FUT8: variants seen among roughly 807,000 people sequenced by gnomAD.
FUT8 encodes alpha-(1,6)-fucosyltransferase.
FUT8 carries 29 observed loss-of-function variants against 71.3 expected under a neutral mutation model. That is an observed-to-expected ratio of 0.41 (90% confidence interval 0.30 to 0.55). FUT8 has a LOEUF of 0.55. Ranked by LOEUF, FUT8 falls within the 20% of genes least tolerant of loss-of-function variation. FUT8 has a pLI of 0.34. For missense variants in FUT8, 544 were observed against 702.1 expected (o/e 0.77, Z 2.55); for synonymous variants, 254 against 239.3 (o/e 1.06, Z -0.57).
At chr14:65,584,606 A>G (rs1326190197) in intron 3 of FUT8, among the ~76,000 whole-genome samples, 1 of 152,254 alleles carries the variant, frequency 6.6e-6, no homozygotes, top group African/African-American at 2.4e-5. Flanking sequence ...TAGAAATATA[A>G]TAGATCAGGT....
chr14:65,682,607 T>A (rs1893091808), intron 7 of FUT8, among the ~76,000 whole-genome samples: 1 of 152,182 alleles, frequency 6.6e-6, no homozygotes, highest in Non-Finnish European at 1.5e-5. Flanking sequence ...AGTTGTAAAG[T>A]GACCAGACAT....
intron 2 of FUT8, among the ~76,000 whole-genome samples, chr14:65,502,189 G>T (rs1004960380): frequency 6.6e-6 from 1 of 151,940 alleles, no homozygotes; most frequent in Non-Finnish European, 1.5e-5. Context: ...GGGATTACAG[G>T]TGTGAGCCAC....
At chr14:65,611,426 CATTGGTTTTT>C (rs1371790304) in intron 3 of FUT8, among the ~76,000 whole-genome samples, 2 of 151,148 alleles carry the variant, frequency 1.3e-5, no homozygotes, top group African/African-American at 4.9e-5. Flanking sequence ...TTTTAGTTTT[CATTGGTTTTT>C]ATCTATTTTT....
intron 8 of FUT8, among the ~76,000 whole-genome samples, chr14:65,722,380 G>A (rs1895463503): frequency 6.6e-6 from 1 of 152,064 alleles, no homozygotes; most frequent in African/African-American, 2.4e-5. Flanking sequence ...CAACCACCCT[G>A]GGCTCAAGTG....
At chr14:65,393,598 G>A in the FUT8 span, among the ~76,000 whole-genome samples, 24 of 152,252 alleles carry the variant, frequency 1.6e-4, no homozygotes, top group African/African-American at 2.6e-4. Flanking sequence ...ATGAAGCCAC[G>A]GAGCCTTTCT....
At position 65,724,309 on chromosome 14, in the gene FUT8, G is replaced by A. The variant is rs201623852; in HGVS notation, c.1245G>A (p.Lys415=). The change falls in exon 9 of 11, where the codon AAG becomes AAA. Residue 415 remains lysine, a synonymous_variant. Transcript: ENST00000673929. ...YLATDDPSLL[K]EAKTKYPNYE... is the part of the protein sequence containing the mutation. ...CCACAGATGACCCTTCTTTATTAAA[G>A]GAGGCAAAAACAAAGTAAGTTAGAC... is the stretch of plus-strand genomic sequence containing the variant. The A allele has an allele frequency of 6.2e-7, 1 of 1,603,626 alleles. No individual in the cohort carries two copies. The highest frequency in any genetic ancestry group is 1.3e-5 in the African/African-American group (1 of 74,638).
At chr14:65,578,445 C>G (rs546013577) in intron 3 of FUT8, among the ~76,000 whole-genome samples, 1 of 152,324 alleles carries the variant, frequency 6.6e-6, no homozygotes, top group East Asian at 1.9e-4. Context: ...ATATTGACGT[C>G]TTTTAATTCA....
At position 65,627,920 on chromosome 14, in the gene FUT8, G is replaced by A. The variant is rs1438897486; in HGVS notation, c.483-1572G>A. On this transcript the variant is annotated intron_variant, in intron 5 of 10. Coordinates refer to ENST00000673929, the MANE Select transcript of FUT8 (RefSeq NM_001371533.1). This position sits in a 1 kb window ranked among gnomAD's most constrained non-coding sequence, Gnocchi z 4.0. ...TGATGGTCGCCTGACATTGCTTGGA[G>A]GTTAAGGGGGTGCCTTCTTCTGCCC... 6.6e-6 allele frequency among the ~76,000 whole-genome samples: 1 copy of A among 152,128 alleles called. No individual in the cohort carries two copies. The highest frequency in any genetic ancestry group is 1.5e-5 in the Non-Finnish European group (1 of 68,028).
chr14:65,415,479 A>G (rs946339767), intron 1 of FUT8, among the ~76,000 whole-genome samples: 5 of 152,142 alleles, frequency 3.3e-5, no homozygotes, highest in African/African-American at 1.2e-4. Flanking sequence ...ATGTTATAGT[A>G]TTTTCTTAAC....
chr14:65,568,319 T>G (rs1886303276), intron 3 of FUT8, among the ~76,000 whole-genome samples: 1 of 151,718 alleles, frequency 6.6e-6, no homozygotes, highest in African/African-American at 2.4e-5. Context: ...GCTAACAGTT[T>G]ATCAATTTAA....
intron 3 of FUT8, among the ~76,000 whole-genome samples, chr14:65,592,575 G>A (rs1887751391): frequency 6.6e-6 from 1 of 152,050 alleles, no homozygotes; most frequent in South Asian, 2.1e-4. Flanking sequence ...TACATTTAAG[G>A]GATTTTATTC....
chr14:65,427,612 T>A (rs2065409245), intron 1 of FUT8, among the ~76,000 whole-genome samples: 1 of 152,236 alleles, frequency 6.6e-6, no homozygotes, highest in African/African-American at 2.4e-5. Context: ...GCCCATTTTT[T>A]AATTGCATTA....
chr14:65,553,898 T>C (rs1350612956), intron 2 of FUT8, among the ~76,000 whole-genome samples: 1 of 152,008 alleles, frequency 6.6e-6, no homozygotes, highest in Non-Finnish European at 1.5e-5. Context: ...AATTTTGCCC[T>C]ACTAGCAATT....
chr14:65,718,413 C>T (rs1342036787), intron 7 of FUT8, among the ~76,000 whole-genome samples: 2 of 152,104 alleles, frequency 1.3e-5, no homozygotes, highest in Admixed American at 1.3e-4. Flanking sequence ...CTATTTATAT[C>T]TTATGGTACC....
chr14:65,537,226 A>C (rs1884375847), intron 2 of FUT8, among the ~76,000 whole-genome samples: 1 of 151,092 alleles, frequency 6.6e-6, no homozygotes, highest in Non-Finnish European at 1.5e-5. Context: ...CTTTTTTCTT[A>C]TCCATATTCT....
intron 7 of FUT8, among the ~76,000 whole-genome samples, chr14:65,694,331 GCAGCGTTCCAC>G (rs1893871706): frequency 9.2e-5 from 14 of 152,084 alleles, no homozygotes; most frequent in Admixed American, 7.2e-4. Context: ...TACCACTTTT[GCAGCGTTCCAC>G]AAATTTTAAT....
chr14:65,365,901 G>C, the FUT8 span, among the ~76,000 whole-genome samples: 3 of 151,786 alleles, frequency 2.0e-5, no homozygotes, highest in Non-Finnish European at 4.4e-5. Context: ...GCAGTGGTGC[G>C]ATCTTGGCTC....
At position 65,636,927 on chromosome 14, in the gene FUT8, T is replaced by C. The variant is rs1259212420; in HGVS notation, c.597+7321T>C. Reference sequence around the variant, plus strand: ...TGATTAAAAGATTATAATACTCGGATTGAAGACAACCCTAATAGACAAGTA... The same window carrying C: ...TGATTAAAAGATTATAATACTCGGACTGAAGACAACCCTAATAGACAAGTA... On this transcript the variant is annotated intron_variant, in intron 6 of 10. Coordinates refer to ENST00000673929, the MANE Select transcript of FUT8 (RefSeq NM_001371533.1). Among the ~76,000 whole-genome samples the C allele has an allele frequency of 3.9e-5, 6 of 152,204 alleles. No homozygotes were observed. The East Asian group carries it at 1.2e-3, about 29-fold the overall frequency.
intron 7 of FUT8, among the ~76,000 whole-genome samples, chr14:65,687,655 G>GA (rs1056520956): frequency 6.6e-6 from 1 of 152,020 alleles, no homozygotes; most frequent in African/African-American, 2.4e-5. Context: ...TAAGCTTATA[G>GA]AAAAATTGAA....
Sources: allele counts gnomAD v4.1 joint callset (sites outside exome capture counted in the v4.1 genomes callset), GRCh38; gene constraint gnomAD v4.1.1; non-coding constraint Gnocchi (gnomAD v3.1); transcripts MANE v1.5; gene names NCBI Gene and HGNC (gene_info 2026-07-23, HGNC 2026-07-21).